FIGN: variants seen among roughly 807,000 people sequenced by gnomAD.
FIGN encodes fidgetin.
Under a neutral mutation model 51.3 loss-of-function variants are expected in FIGN, and 11 were observed. The ratio of observed to expected loss-of-function variants is 0.21; its 90% CI spans 0.13 to 0.35. FIGN has a LOEUF of 0.35. FIGN is among the 10% of genes least tolerant of loss of function. FIGN has a pLI of 1.00. For missense variants in FIGN, 857 were observed against 943.6 expected, an observed-to-expected ratio of 0.91 and a Z score of 1.20; for synonymous variants, 407 against 363.2, an observed-to-expected ratio of 1.12 and a Z score of -1.37.
At chr2:163,732,967 G>T (rs1297642556) in intron 2 of FIGN, among the ~76,000 whole-genome samples, 1 of 152,148 alleles carries the variant, frequency 6.6e-6, no homozygotes, top group Non-Finnish European at 1.5e-5. Context: ...AGTCTTTTAG[G>T]TTTGTAGCTC....
At chr2:163,693,832 G>A (rs188671981) in intron 2 of FIGN, among the ~76,000 whole-genome samples, 1 of 152,252 alleles carries the variant, frequency 6.6e-6, no homozygotes, top group East Asian at 1.9e-4. Context: ...CGAAACATAT[G>A]TGTTAGATGG....
chr2:163,632,940 A>G (rs1336697012), intron 2 of FIGN, among the ~76,000 whole-genome samples: 1 of 152,104 alleles, frequency 6.6e-6, no homozygotes, highest in African/African-American at 2.4e-5. Context: ...CCTGTAATCC[A>G]AGCACTTAGG....
intron 2 of FIGN, among the ~76,000 whole-genome samples, chr2:163,616,341 G>A (rs576869369): frequency 2.0e-5 from 3 of 152,126 alleles, no homozygotes; most frequent in Non-Finnish European, 4.4e-5. Context: ...GGAAATAAAA[G>A]GTTAGGTCTT....
chr2:163,660,639 G>A, intron 2 of FIGN, among the ~76,000 whole-genome samples: 1 of 140,610 alleles, frequency 7.1e-6, no homozygotes, highest in Non-Finnish European at 1.5e-5. Flanking sequence ...GCCCAAGACT[G>A]AAAAAGAGCA....
intron 2 of FIGN, among the ~76,000 whole-genome samples, chr2:163,680,946 T>C (rs1239139): frequency 0.56 from 85,435 of 152,086 alleles, 26,602 homozygotes; most frequent in Admixed American, 0.69. Context: ...TTTGAACATA[T>C]GGCATGTGCC....
At chr2:163,616,105 C>T (rs574633585) in intron 2 of FIGN, among the ~76,000 whole-genome samples, 6 of 152,160 alleles carry the variant, frequency 3.9e-5, no homozygotes, top group South Asian at 2.1e-4. Flanking sequence ...CTGGATAGTA[C>T]GGATAACATT....
chr2:163,612,239 C>T (rs1387485760), intron 2 of FIGN: 1 of 834,994 alleles, frequency 1.2e-6, no homozygotes, highest in African/African-American at 1.8e-5. Context: ...TGTACAATAT[C>T]TAGCTATTCT....
At chr2:163,653,397 A>G (rs915528785) in intron 2 of FIGN, among the ~76,000 whole-genome samples, 16 of 152,094 alleles carry the variant, frequency 1.1e-4, no homozygotes, top group African/African-American at 3.6e-4. Flanking sequence ...ATGAAAAGAC[A>G]ACGAAAAGAC....
chr2:163,727,143 T>C lies in FIGN; in HGVS notation c.25+7760A>G, dbSNP rs371093772. On this transcript the variant is annotated intron_variant, in intron 2 of 2. Coordinates refer to ENST00000333129, the MANE Select transcript of FIGN (RefSeq NM_018086.4). ...ATGAACAGATGAAAAATAAAAAAGC[T>C]CTTTTTGGCACAACAATATACTATA... Among the ~76,000 whole-genome samples the C allele has an allele frequency of 3.2e-4, 48 of 152,194 alleles. 1 individual carries two copies. The East Asian group carries it at 5.6e-3, about 18-fold the overall frequency.
chr2:163,645,506 G>T (rs897984362), intron 2 of FIGN, among the ~76,000 whole-genome samples: 7 of 152,156 alleles, frequency 4.6e-5, no homozygotes, highest in Non-Finnish European at 8.8e-5. Context: ...AAAGAAACAG[G>T]TATTATGGCT....
chr2:163,681,792 T>A (rs913247286), intron 2 of FIGN, among the ~76,000 whole-genome samples: 9 of 152,336 alleles, frequency 5.9e-5, no homozygotes, highest in African/African-American at 2.2e-4. Context: ...ATGGAATCGC[T>A]TTTCCTACTG....
chr2:163,667,691 C>G (rs1268006019), intron 2 of FIGN, among the ~76,000 whole-genome samples: 1 of 152,180 alleles, frequency 6.6e-6, no homozygotes, highest in African/African-American at 2.4e-5. Context: ...CTCTACTGGG[C>G]TTCATCCAAC....
At chr2:163,709,521 C>G (rs1011764491) in intron 2 of FIGN, among the ~76,000 whole-genome samples, 1 of 151,990 alleles carries the variant, frequency 6.6e-6, no homozygotes, top group Non-Finnish European at 1.5e-5. Context: ...GGAGAAAGAC[C>G]AAAGGTTTGG....
In FIGN at chr2:163,633,603, G is replaced by T. The variant is rs149336900; in HGVS notation, c.26-21797C>A. ...CACAGAAGCCTTGTCTTTCTAACTA[G>T]CATTGACAGAGTCCCAGAATGAACA... On this transcript the variant is annotated intron_variant, in intron 2 of 2. Coordinates refer to ENST00000333129, the MANE Select transcript of FIGN (RefSeq NM_018086.4). Among the ~76,000 whole-genome samples the T allele has an allele frequency of 7.1e-3, 1,081 of 152,228 alleles. 12 individuals carry two copies. Among genetic ancestry groups the T allele is most frequent in the African/African-American group, 0.025 (1,032 of 41,534 alleles).
chr2:163,652,105 G>A (rs898121097), intron 2 of FIGN, among the ~76,000 whole-genome samples: 4 of 152,048 alleles, frequency 2.6e-5, no homozygotes, highest in Non-Finnish European at 4.4e-5. Flanking sequence ...CCCTCTATCC[G>A]CAGCTCATAT....
intron 2 of FIGN, among the ~76,000 whole-genome samples, chr2:163,706,328 A>G (rs574186160): frequency 5.9e-5 from 9 of 152,290 alleles, no homozygotes; most frequent in African/African-American, 1.9e-4. Flanking sequence ...CTGAAAAGAA[A>G]TACCTTGAAC....
intron 2 of FIGN, among the ~76,000 whole-genome samples, chr2:163,650,079 C>T (rs1559008711): frequency 1.3e-5 from 2 of 152,172 alleles, no homozygotes; most frequent in Middle Eastern, 6.8e-3. Flanking sequence ...GAGACTGACA[C>T]ATAGAGAAAG....
At chr2:163,645,237 T>G (rs1196780440) in intron 2 of FIGN, among the ~76,000 whole-genome samples, 2 of 152,150 alleles carry the variant, frequency 1.3e-5, no homozygotes, top group Non-Finnish European at 2.9e-5. Flanking sequence ...GGATATGGCA[T>G]GTTCAGGAAA....
intron 2 of FIGN, among the ~76,000 whole-genome samples, chr2:163,630,310 G>A (rs985065628): frequency 6.6e-6 from 1 of 151,964 alleles, no homozygotes; most frequent in Non-Finnish European, 1.5e-5. Context: ...AGGAGCTAAA[G>A]GGCAGGTAGA....
Sources: gnomAD v4.1 joint callset for allele counts (sites outside exome capture counted in the v4.1 genomes callset) on GRCh38, gnomAD v4.1.1 for gene constraint, MANE v1.5 for transcripts, NCBI Gene and HGNC (gene_info 2026-07-23, HGNC 2026-07-21) for gene names.